CIAPIN1: variants seen among roughly 807,000 people sequenced by gnomAD.
CIAPIN1 encodes the protein cytokine induced apoptosis inhibitor 1.
CIAPIN1 carries 18 observed loss-of-function variants against 34.3 expected under a neutral mutation model. The ratio of observed to expected loss-of-function variants is 0.52; its 90% CI spans 0.36 to 0.78. The LOEUF (loss-of-function observed/expected upper bound fraction) is 0.78. CIAPIN1 is among the 30% of genes least tolerant of loss of function. The probability of loss-of-function intolerance (pLI) is 0.00; values close to 1 mark genes in which losing one functional copy is unlikely to be tolerated. For missense variants in CIAPIN1, 310 were observed against 372.5 expected, an observed-to-expected ratio of 0.83 and a Z score of 1.38; for synonymous variants, 131 against 140.4, an observed-to-expected ratio of 0.93 and a Z score of 0.47.
rs1340785894 is a variant in CIAPIN1 at position 57,431,153 on chromosome 16, G to A, written c.744C>T (p.Asn248=). 2 of 1,608,576 alleles carry A rather than the reference G, an allele frequency of 1.2e-6. No homozygotes were observed. Among genetic ancestry groups the A allele is most frequent in the Non-Finnish European group, 1.7e-6 (2 of 1,175,820 alleles). ...GCTCCAGTCACCCCAGCACTCACCAGTTCTTACAGGCCTTCCTCTTTTTCC... is the reference window on the plus strand; with the variant it reads ...GCTCCAGTCACCCCAGCACTCACCAATTCTTACAGGCCTTCCTCTTTTTCC... ...GEGKKRKACK[N]CTCGLAEELE... Residue 248 remains asparagine, a splice_region_variant and synonymous_variant, in exon 7 of 9, where the codon AAC becomes AAT. Coordinates refer to ENST00000394391, the MANE Select transcript of CIAPIN1 (RefSeq NM_020313.4).
intron 8 of CIAPIN1, 126 bp downstream of exon 8, chr16:57,430,132 G>C (rs1410113919): frequency 6.4e-6 from 5 of 786,500 alleles, no homozygotes; most frequent in Non-Finnish European, 8.7e-6. Context: ...TACTACCTAC[G>C]TTCGTGTGCT....
At position 57,440,843 on chromosome 16, in the gene CIAPIN1, A is replaced by G. The variant is rs780659888; in HGVS notation, c.86T>C (p.Val29Ala). ...GCCGGTTAACGCTTGAAGCTTATCCACCAGACCTTTCAGAGCCTCCACTGG... is the reference window on the plus strand; with the variant it reads ...GCCGGTTAACGCTTGAAGCTTATCCGCCAGACCTTTCAGAGCCTCCACTGG... ...SSPVEALKGL[V>A]DKLQALTGNE... is the part of the protein sequence containing the mutation. The change falls in exon 2 of 9, where the codon GTG (valine) becomes GCG (alanine). Residue 29 changes from valine to alanine, a missense_variant. Coordinates refer to ENST00000394391, the MANE Select transcript of CIAPIN1 (RefSeq NM_020313.4). 6.2e-6 allele frequency: 10 copies of G among 1,613,788 alleles called. No homozygotes were observed. Among genetic ancestry groups the G allele is most frequent in the Non-Finnish European group, 7.6e-6 (9 of 1,179,920 alleles).
At chr16:57,436,984 A>G (rs1903216333) in intron 3 of CIAPIN1, among the ~76,000 whole-genome samples, 2 of 151,964 alleles carry the variant, frequency 1.3e-5, no homozygotes, top group Admixed American at 1.3e-4. Flanking sequence ...AAAAATAGCC[A>G]GGCGTGGTGG....
intron 1 of CIAPIN1, among the ~76,000 whole-genome samples, chr16:57,446,774 G>C (rs2030090815): frequency 6.6e-6 from 1 of 152,146 alleles, no homozygotes; most frequent in Non-Finnish European, 1.5e-5. Flanking sequence ...TCTGGACAAA[G>C]GCCTAGCTGT....
chr16:57,430,277 G>A lies in CIAPIN1; in HGVS notation c.809C>T (p.Pro270Leu). ...EKSREQMSSQ[P>L]KSACGNCYLG... ...ATTTACGTTTCCACAAGCTGACTTG[G>A]GTTGGGAGCTCATCTGTTCCCTTGA... Residue 270 changes from proline (P) to leucine (L), a missense_variant, in exon 8 of 9, where the codon CCC becomes CTC. Transcript: ENST00000394391. 6.2e-7 allele frequency: 1 copy of A among 1,614,190 alleles called. No homozygotes were observed. The highest frequency in any genetic ancestry group is 1.1e-5 in the South Asian group (1 of 91,082).
At position 57,429,041 on chromosome 16, in the gene CIAPIN1, G is replaced by A. The variant is rs1338835934; in HGVS notation, c.*129C>T. 22 of 677,030 alleles carry A rather than the reference G, an allele frequency of 3.2e-5. No individual in the cohort carries two copies. The African/African-American group carries it at 3.4e-4, about 10-fold the overall frequency. 41.9% of individuals were successfully genotyped at this position (677,030 alleles called of 1,614,324 possible). Reference sequence around the variant, plus strand: ...CCCCCCAGCCAGCTTCACTCTGTCTGCTAAGCACCCACTCTGCAAACAGAT... The same window carrying A: ...CCCCCCAGCCAGCTTCACTCTGTCTACTAAGCACCCACTCTGCAAACAGAT... On this transcript the variant is annotated 3_prime_UTR_variant, in exon 9 of 9. Coordinates refer to ENST00000394391, the MANE Select transcript of CIAPIN1 (RefSeq NM_020313.4).
Position 57,440,864 on chromosome 16 carries a change from A to C in CIAPIN1, c.65T>G (p.Val22Gly). The change falls in exon 2 of 9, where the codon GTG (valine) becomes GGG (glycine). Residue 22 changes from valine to glycine, a missense_variant. Val to Gly is a moderately radical substitution (Grantham distance 109, BLOSUM62 -3). Coordinates refer to ENST00000394391, the MANE Select transcript of CIAPIN1 (RefSeq NM_020313.4). ...ATCCACCAGACCTTTCAGAGCCTCC[A>C]CTGGGGATGACTTATCCCAGACCAC... ...VAVVWDKSSP[V>G]EALKGLVDKL... 1.2e-6 allele frequency: 2 copies of C among 1,614,070 alleles called. No individual in the cohort carries two copies. The highest frequency in any genetic ancestry group is 2.2e-5 in the South Asian group (2 of 91,068).
chr16:57,442,223 G>A (rs1166445401), intron 1 of CIAPIN1, among the ~76,000 whole-genome samples: 3 of 151,266 alleles, frequency 2.0e-5, no homozygotes, highest in Non-Finnish European at 4.4e-5. Context: ...GTGCATGCCT[G>A]TAATCCCAGC....
At chr16:57,439,659 A>G (rs1225855721) in intron 2 of CIAPIN1, among the ~76,000 whole-genome samples, 2 of 152,206 alleles carry the variant, frequency 1.3e-5, no homozygotes, top group Admixed American at 1.3e-4. Flanking sequence ...CCCCAAATTA[A>G]TACTTTTATA....
chr16:57,442,039 T>C (rs1007270515), intron 1 of CIAPIN1, among the ~76,000 whole-genome samples: 9 of 152,228 alleles, frequency 5.9e-5, no homozygotes, highest in Admixed American at 6.5e-5. Flanking sequence ...CACTACACTC[T>C]TGTTTCTTTT....
intron 1 of CIAPIN1, among the ~76,000 whole-genome samples, chr16:57,446,142 AT>A (rs1329473723): frequency 1.3e-5 from 2 of 152,038 alleles, no homozygotes; most frequent in African/African-American, 4.8e-5. Context: ...CTGGCCCAGA[AT>A]TTTTTTTAAA....
chr16:57,440,720 C>G (rs1176344382), intron 2 of CIAPIN1, 52 bp downstream of exon 2: 3 of 1,537,918 alleles, frequency 2.0e-6, no homozygotes, highest in Non-Finnish European at 2.6e-6. Flanking sequence ...AAATGCAACA[C>G]TCCCATGGAA....
At chr16:57,441,558 T>C (rs1159798045) in intron 1 of CIAPIN1, among the ~76,000 whole-genome samples, 1 of 152,228 alleles carries the variant, frequency 6.6e-6, no homozygotes, top group Non-Finnish European at 1.5e-5. Context: ...CTAAACATTA[T>C]CTCAACTGAA....
chr16:57,431,604 A>T, intron 6 of CIAPIN1: 1 of 178,964 alleles, frequency 5.6e-6, no homozygotes. Flanking sequence ...GGCAGAACAG[A>T]GAAAGAGAGA....
intron 1 of CIAPIN1, among the ~76,000 whole-genome samples, chr16:57,446,627 C>T (rs2030083046): frequency 1.3e-5 from 2 of 152,174 alleles, no homozygotes; most frequent in African/African-American, 4.8e-5. Context: ...CCTCCTTGAG[C>T]CATCCAGAGC....
At chr16:57,438,322 G>A (rs534925704) in intron 3 of CIAPIN1, among the ~76,000 whole-genome samples, 1 of 152,246 alleles carries the variant, frequency 6.6e-6, no homozygotes, top group East Asian at 1.9e-4. Flanking sequence ...ACTGTCATTA[G>A]TTTCACATGA....
chr16:57,447,286 C>T (rs922874931), intron 1 of CIAPIN1, 56 bp downstream of exon 1: 119 of 397,610 alleles, frequency 3.0e-4, no homozygotes, highest in African/African-American at 2.2e-3. Context: ...CGAGGGTGGG[C>T]CGGGAGGGGA....
Position 57,440,885 on chromosome 16 carries a change from A to G in CIAPIN1, c.44T>C (p.Val15Ala), listed in dbSNP as rs200589955. The G allele has an allele frequency of 4.5e-4, 733 of 1,613,954 alleles. 1 individual carries two copies. The highest frequency in any genetic ancestry group is 5.9e-4 in the Non-Finnish European group (697 of 1,179,976). ...CTCCACTGGGGATGACTTATCCCAG[A>G]CCACTGCCACAAACTGGCCAGCAGA... ...GISAGQFVAVVWDKSSPVEAL... is the reference protein window; with the variant it reads ...GISAGQFVAVAWDKSSPVEAL... Residue 15 changes from valine (V) to alanine (A), a missense_variant, in exon 2 of 9, where the codon GTC (valine) becomes GCC (alanine). Coordinates refer to ENST00000394391, the MANE Select transcript of CIAPIN1 (RefSeq NM_020313.4).
chr16:57,441,101 T>C (rs1903321499), intron 1 of CIAPIN1, 118 bp from the exon 2 acceptor site: 4 of 571,774 alleles, frequency 7.0e-6, no homozygotes, highest in African/African-American at 1.9e-5. Flanking sequence ...CTCTACTGTA[T>C]ATGCTAAAGA....
Sources: gnomAD v4.1 joint callset for allele counts (sites outside exome capture counted in the v4.1 genomes callset) on GRCh38, gnomAD v4.1.1 for gene constraint, MANE v1.5 for transcripts, NCBI Gene and HGNC (gene_info 2026-07-23, HGNC 2026-07-21) for gene names.